Variants in TFIP11 observed in about 807,000 individuals in gnomAD.
TFIP11 encodes tuftelin-interacting protein 11.
A neutral mutation model predicts 96.8 loss-of-function variants in TFIP11; 86 were observed. The ratio of observed to expected loss-of-function variants is 0.89; its 90% CI spans 0.75 to 1.06. The LOEUF (loss-of-function observed/expected upper bound fraction) is 1.06, where lower values mean the gene tolerates loss of function less well. TFIP11 is among the 50% of genes least tolerant of loss of function. The pLI is 0.00. For synonymous variants in TFIP11, 405 were observed against 395.2 expected (o/e 1.02, Z -0.29); for missense variants, 881 against 1,076.7 (o/e 0.82, Z 2.54).
In TFIP11 at chr22:26,503,759, C is replaced by G. The variant is rs982639912; in HGVS notation, c.555G>C (p.Lys185Asn). ...IINPIEAKQR[K>N]GKGAVGAYGS... is the part of the protein sequence containing the mutation. ...CATAAGCCCCCACAGCACCTTTTCCCTTTCTCTGCTTGGCTTCAATTGGGT... is the reference window on the plus strand; with the variant it reads ...CATAAGCCCCCACAGCACCTTTTCCGTTTCTCTGCTTGGCTTCAATTGGGT... Residue 185 changes from lysine (K) to asparagine (N), a missense_variant, in exon 7 of 15, where the codon AAG becomes AAC. By Grantham distance (94) the Lys-to-Asn change is moderately conservative (BLOSUM62 0). Transcript: ENST00000407690. 3 of 1,613,862 alleles carry G rather than the reference C, an allele frequency of 1.9e-6. No homozygotes were observed. The highest frequency in any genetic ancestry group is 2.5e-6 in the Non-Finnish European group (3 of 1,179,990).
At chr22:26,494,571 G>A (rs1238884668) in intron 13 of TFIP11, 4 of 704,978 alleles carry the variant, frequency 5.7e-6, no homozygotes, top group African/African-American at 3.6e-5. Flanking sequence ...CCATAGGGTT[G>A]CTGAGAGGAG....
chr22:26,509,396 C>G (rs573832086), intron 4 of TFIP11, among the ~76,000 whole-genome samples: 6 of 152,300 alleles, frequency 3.9e-5, no homozygotes, highest in African/African-American at 1.4e-4. Context: ...AAAATGTGTT[C>G]TCCCTCATGT....
Position 26,496,883 on chromosome 22 carries a change from T to C in TFIP11, c.1443A>G (p.Ile481Met). ...DLSADAFHRL[I>M]WEVWMPFVRN... The stretch of plus-strand genomic sequence containing the variant: ...GAACAAAAGGCATCCAGACTTCCCA[T>C]ATCAACCTATGGGAGAAAGGCAGAG... The change falls in exon 11 of 15, where the codon ATA (isoleucine) becomes ATG (methionine). Residue 481 changes from isoleucine to methionine, a missense_variant. Coordinates refer to ENST00000407690, the MANE Select transcript of TFIP11 (RefSeq NM_012143.4). 1 of 1,613,902 alleles carries C rather than the reference T, an allele frequency of 6.2e-7. No homozygotes were observed. The highest frequency in any genetic ancestry group is 8.5e-7 in the Non-Finnish European group (1 of 1,180,026).
rs768492136 is a variant in TFIP11 at position 26,491,577 on chromosome 22, G to A, written c.*436C>T. On this transcript the variant is annotated 3_prime_UTR_variant, in exon 15 of 15. Coordinates refer to ENST00000407690, the MANE Select transcript of TFIP11 (RefSeq NM_012143.4). ...GCAAAAGCTAGAACAGCTCTCCATA[G>A]ATATTTGGGAGTTTCGGGAAGAACC... 8.1e-6 allele frequency: 13 copies of A among 1,614,076 alleles called. No individual in the cohort carries two copies. In the Admixed American group the frequency reaches 1.3e-4, roughly 17 times the overall value.
chr22:26,510,159 G>T lies in TFIP11; in HGVS notation c.114C>A (p.Asn38Lys). ...CCTTGGTCTGCCAGTGGCGCTGTCGGTTGGGGTTGAACTCATTCTGGAGAT... is the reference window on the plus strand; with the variant it reads ...CCTTGGTCTGCCAGTGGCGCTGTCGTTTGGGGTTGAACTCATTCTGGAGAT... ...DWDLQNEFNP[N>K]RQRHWQTKEE... Residue 38 changes from asparagine (N) to lysine (K), a missense_variant, in exon 4 of 15, where the codon AAC (asparagine) becomes AAA (lysine). Physicochemically the swap from Asn to Lys is moderately conservative, Grantham distance 94 (BLOSUM62 0). Transcript: ENST00000407690. 6.2e-7 allele frequency: 1 copy of T among 1,614,166 alleles called. No homozygotes were observed. Among genetic ancestry groups the T allele is most frequent in the East Asian group, 2.2e-5 (1 of 44,876 alleles).
Position 26,506,890 on chromosome 22 carries a change from G to C in TFIP11, c.248C>G (p.Ala83Gly), listed in dbSNP as rs771774141. The change falls in exon 5 of 15, where the codon GCA becomes GGA. Residue 83 changes from alanine to glycine, a missense_variant. Coordinates refer to ENST00000407690, the MANE Select transcript of TFIP11 (RefSeq NM_012143.4). ...CTCCGCTGCCCCTTTCTTGAGCCCT[G>C]CGCTGATGAAGTTGACTGGCGCAGA... ...DYSAPVNFIS[A>G]GLKKGAAEEA... 1.2e-6 allele frequency: 2 copies of C among 1,614,054 alleles called. No homozygotes were observed. The highest frequency in any genetic ancestry group is 2.7e-5 in the African/African-American group (2 of 74,900).
At chr22:26,500,170 A>T (rs1019346314) in intron 8 of TFIP11, among the ~76,000 whole-genome samples, 1 of 151,958 alleles carries the variant, frequency 6.6e-6, no homozygotes, top group African/African-American at 2.4e-5. Context: ...TTTTAAATTT[A>T]ATTTATTTAT....
Position 26,501,890 on chromosome 22 carries a change from G to A in TFIP11, c.801+10C>T. Reference sequence around the variant, plus strand: ...TGGATCCTGTACCAGGTGTCCAAGGGCCCCTGTACCTTGACTTGAGAAAGT... The same window carrying A: ...TGGATCCTGTACCAGGTGTCCAAGGACCCCTGTACCTTGACTTGAGAAAGT... On this transcript the variant is annotated intron_variant, in intron 8 of 14. Transcript: ENST00000407690. 6.2e-7 allele frequency: 1 copy of A among 1,605,750 alleles called. No individual in the cohort carries two copies. The highest frequency in any genetic ancestry group is 1.3e-5 in the African/African-American group (1 of 74,372).
intron 11 of TFIP11, 110 bp downstream of exon 11, chr22:26,496,611 C>T (rs569681199): frequency 7.2e-7 from 1 of 1,387,790 alleles, no homozygotes; most frequent in African/African-American, 1.4e-5. Flanking sequence ...GTTGTGTTGA[C>T]AAATTCCGTT....
At position 26,499,999 on chromosome 22, in the gene TFIP11, T is replaced by A. The variant is rs561428901; in HGVS notation, c.802-368A>T. Among the ~76,000 whole-genome samples, 9 of 152,316 alleles carry A rather than the reference T, an allele frequency of 5.9e-5. No homozygotes were observed. The South Asian group carries it at 1.2e-3, about 21-fold the overall frequency. ...GTAACATACAATCAGAATATCACAT[T>A]TTGATTTAAAAAATGCACATAAGCA... On this transcript the variant is annotated intron_variant, in intron 8 of 14. Transcript: ENST00000407690.
rs2147145101 is a variant in TFIP11 at position 26,506,455 on chromosome 22, C to T, written c.368G>A (p.Gly123Asp). Residue 123 changes from glycine to aspartate, a missense_variant, in exon 6 of 15, where the codon GGC becomes GAC. By Grantham distance (94) the Gly-to-Asp change is moderately conservative. Transcript: ENST00000407690. ...DFGPRKLKTGGNFKPSQKGFA... is the reference protein window; with the variant it reads ...DFGPRKLKTGDNFKPSQKGFA... ...ACCTTTCTGGCTGGGCTTAAAATTGCCACCCTGCAAAAAAGAAAAATCAAA... is the reference window on the plus strand; with the variant it reads ...ACCTTTCTGGCTGGGCTTAAAATTGTCACCCTGCAAAAAAGAAAAATCAAA... The T allele has an allele frequency of 5.6e-6, 9 of 1,593,510 alleles. No individual in the cohort carries two copies. The highest frequency in any genetic ancestry group is 7.7e-6 in the Non-Finnish European group (9 of 1,174,544).
intron 4 of TFIP11, among the ~76,000 whole-genome samples, chr22:26,507,770 T>C (rs563173686): frequency 3.3e-5 from 5 of 152,304 alleles, no homozygotes; most frequent in Non-Finnish European, 5.9e-5. Flanking sequence ...AGGTCTTTTT[T>C]GTATAAAATA....
At chr22:26,492,786 A>C (rs1416244302) in intron 14 of TFIP11, 2 of 187,180 alleles carry the variant, frequency 1.1e-5, no homozygotes, top group East Asian at 2.6e-4. Context: ...ACCTACCCAC[A>C]CAGGGCCCCC....
Position 26,491,762 on chromosome 22 carries a change from C to A in TFIP11, c.*251G>T. On this transcript the variant is annotated 3_prime_UTR_variant, in exon 15 of 15. Coordinates refer to ENST00000407690, the MANE Select transcript of TFIP11 (RefSeq NM_012143.4). Reference sequence around the variant, plus strand: ...TGCTATGGAGGAACTACAGAGAACTCCTTTGCCAGGAAAGAACATCAACTT... The same window carrying A: ...TGCTATGGAGGAACTACAGAGAACTACTTTGCCAGGAAAGAACATCAACTT... 3 of 1,232,838 alleles carry A rather than the reference C, an allele frequency of 2.4e-6. No individual in the cohort carries two copies. The highest frequency in any genetic ancestry group is 3.4e-6 in the Non-Finnish European group (3 of 888,300). 76.4% of individuals were successfully genotyped at this position (1,232,838 alleles called of 1,614,324 possible). A position where few individuals can be genotyped will look rare whatever the true frequency, so the allele number is the denominator to read the frequency against.
At chr22:26,500,161 TTTAAA>T (rs1228365877) in intron 8 of TFIP11, among the ~76,000 whole-genome samples, 2 of 152,178 alleles carry the variant, frequency 1.3e-5, no homozygotes, top group Admixed American at 1.3e-4. Flanking sequence ...ACAAAGTTTT[TTTAAA>T]TTTAATTTAT....
chr22:26,492,148 C>T lies in TFIP11; in HGVS notation c.2379G>A (p.Gly793=), dbSNP rs1921277257. The part of the protein sequence containing the change: ...EHNIVFMPVI[G]KRHEGKQLYT... ...AGAGCTGCTTCCCTTCGTGTCGCTT[C>T]CCAATGACGGGCATGAAGACAATGT... Residue 793 remains glycine, a synonymous_variant, in exon 15 of 15, where the codon GGG becomes GGA. Transcript: ENST00000407690. 1 of 1,613,584 alleles carries T rather than the reference C, an allele frequency of 6.2e-7. No individual in the cohort carries two copies. The highest frequency in any genetic ancestry group is 8.5e-7 in the Non-Finnish European group (1 of 1,179,872).
rs766206752 is a variant in TFIP11 at position 26,498,870 on chromosome 22, T to C, written c.1435A>G (p.Arg479Gly). 3 of 1,613,254 alleles carry C rather than the reference T, an allele frequency of 1.9e-6. No homozygotes were observed. The highest frequency in any genetic ancestry group is 8.5e-7 in the Non-Finnish European group (1 of 1,179,430). The change falls in exon 10 of 15, where the codon AGG (arginine) becomes GGG (glycine). Residue 479 changes from arginine to glycine, a missense_variant and splice_region_variant. Coordinates refer to ENST00000407690, the MANE Select transcript of TFIP11 (RefSeq NM_012143.4). ...GQDLSADAFH[R>G]LIWEVWMPFV... Reference sequence around the variant, plus strand: ...ACAGAGCCCTGCTCTGTGGTGTACCTGTGAAAGGCATCTGCTGAGAGGTCC... The same window carrying C: ...ACAGAGCCCTGCTCTGTGGTGTACCCGTGAAAGGCATCTGCTGAGAGGTCC...
chr22:26,498,757 T>C, intron 10 of TFIP11, 112 bp downstream of exon 10: 1 of 787,572 alleles, frequency 1.3e-6, no homozygotes, highest in South Asian at 1.6e-5. Context: ...ACTGTCAGCA[T>C]GAGCAGAGAA....
At chr22:26,496,692 A>G in intron 11 of TFIP11, 29 bp downstream of exon 11, 4 of 1,609,134 alleles carry the variant, frequency 2.5e-6, no homozygotes, top group Non-Finnish European at 3.4e-6. Context: ...ATTAGTGATG[A>G]CGACTGTTTC....
Sources: allele counts gnomAD v4.1 joint callset (sites outside exome capture counted in the v4.1 genomes callset), GRCh38; gene constraint gnomAD v4.1.1; transcripts MANE v1.5; gene names NCBI Gene and HGNC (gene_info 2026-07-23, HGNC 2026-07-21).